The following ADGRL3 variants were observed in gnomAD, a reference collection of about 807,000 sequenced individuals.
ADGRL3 encodes calcium-independent alpha-latrotoxin receptor 3.
ADGRL3 carries 62 observed loss-of-function variants against 153.5 expected under a neutral mutation model. That is an observed-to-expected ratio of 0.40 (90% CI 0.33 to 0.50). The LOEUF is 0.50. ADGRL3 is among the 20% of genes least tolerant of loss of function. ADGRL3 has a pLI of 0.47. For synonymous variants in ADGRL3, 710 were observed against 672.5 expected, an observed-to-expected ratio of 1.06 and a Z score of -0.86; for missense variants, 1,641 against 1,859.4, an observed-to-expected ratio of 0.88 and a Z score of 2.16.
At chr4:61,322,592 G>C (rs181356979) in intron 1 of ADGRL3, among the ~76,000 whole-genome samples, 9 of 152,278 alleles carry the variant, frequency 5.9e-5, no homozygotes, top group African/African-American at 1.9e-4. Context: ...CAAAACAAAG[G>C]GGCTACAGGC....
intron 1 of ADGRL3, among the ~76,000 whole-genome samples, chr4:61,369,117 A>C (rs2096467802): frequency 6.6e-6 from 1 of 152,158 alleles, no homozygotes; most frequent in African/African-American, 2.4e-5. Flanking sequence ...TATCAGCTTA[A>C]GGAGATTTTG....
intron 1 of ADGRL3, among the ~76,000 whole-genome samples, chr4:61,381,966 A>T (rs1404329360): frequency 2.6e-5 from 4 of 151,972 alleles, no homozygotes; most frequent in Admixed American, 1.3e-4. Context: ...CATTGCTTTA[A>T]TATTTTTTAA....
At chr4:61,467,965 T>C (rs2097904993) in intron 2 of ADGRL3, among the ~76,000 whole-genome samples, 2 of 152,196 alleles carry the variant, frequency 1.3e-5, no homozygotes, top group Non-Finnish European at 2.9e-5. Context: ...ATACACATGT[T>C]GCTTTCTTTT....
chr4:61,647,719 C>T (rs1048884565), intron 5 of ADGRL3, among the ~76,000 whole-genome samples: 1 of 151,894 alleles, frequency 6.6e-6, no homozygotes, highest in Non-Finnish European at 1.5e-5. Flanking sequence ...CAAAAATTAA[C>T]AATAGACTTT....
intron 4 of ADGRL3, among the ~76,000 whole-genome samples, chr4:61,522,071 T>C (rs896136580): frequency 6.6e-6 from 1 of 152,138 alleles, no homozygotes; most frequent in African/African-American, 2.4e-5. Flanking sequence ...TTCCTTCTAC[T>C]TCCCAGTAAT....
intron 2 of ADGRL3, among the ~76,000 whole-genome samples, chr4:61,384,512 AT>A (rs1444827326): frequency 6.6e-6 from 1 of 151,496 alleles, no homozygotes; most frequent in African/African-American, 2.4e-5. Context: ...TATATGTAAA[AT>A]TCTTACTTTT....
At chr4:61,232,283 G>T (rs112102813) in intron 1 of ADGRL3, among the ~76,000 whole-genome samples, 2 of 151,458 alleles carry the variant, frequency 1.3e-5, no homozygotes, top group African/African-American at 4.8e-5. Flanking sequence ...TTGAATTCCA[G>T]TTTTACCAGT....
rs1745880688 is a variant in ADGRL3 at position 62,072,165 on chromosome 4, A to T, written c.*1257A>T. ...GTGGGCACCTGCACTACCACTTTTT[A>T]GAGGAAATTCACTCCCTCGTAAGCA... On this transcript the variant is annotated 3_prime_UTR_variant, in exon 27 of 27. Coordinates refer to ENST00000683033, the MANE Select transcript of ADGRL3 (RefSeq NM_001387552.1). 2 of 152,668 alleles carry T rather than the reference A, an allele frequency of 1.3e-5. No homozygotes were observed. The highest frequency in any genetic ancestry group is 4.1e-4 in the South Asian group (2 of 4,836). 9.5% of individuals were successfully genotyped at this position (152,668 alleles called of 1,614,324 possible). A position where few individuals can be genotyped will look rare whatever the true frequency, so the allele number is the denominator to read the frequency against.
At chr4:61,967,946 T>C (rs2099012844) in intron 17 of ADGRL3, among the ~76,000 whole-genome samples, 1 of 152,116 alleles carries the variant, frequency 6.6e-6, no homozygotes. Flanking sequence ...AAGGATACTT[T>C]TGTCAGAAGG....
rs200391556 is a variant in ADGRL3 at position 61,703,497 on chromosome 4, A to G, written c.583+26562A>G. ...CATAAACATCCTGTGTTAGACATCT[A>G]TCTGGTTAAAAATATGTAAGAATGA... On this transcript the variant is annotated intron_variant, in intron 6 of 26. Transcript: ENST00000683033. Among the ~76,000 whole-genome samples the G allele has an allele frequency of 4.6e-5, 7 of 152,284 alleles. No homozygotes were observed. The East Asian group carries it at 1.2e-3, about 25-fold the overall frequency.
intron 3 of ADGRL3, among the ~76,000 whole-genome samples, chr4:61,503,495 T>C (rs2098406040): frequency 6.6e-6 from 1 of 152,048 alleles, no homozygotes; most frequent in African/African-American, 2.4e-5. Flanking sequence ...TCTTATTCTT[T>C]GGATTACTAT....
At chr4:61,699,636 T>C (rs1259210718) in intron 6 of ADGRL3, among the ~76,000 whole-genome samples, 1 of 152,106 alleles carries the variant, frequency 6.6e-6, no homozygotes, top group Non-Finnish European at 1.5e-5. Context: ...AATAGACCCA[T>C]TAGGATTTTT....
At chr4:61,797,269 T>G (rs1028434074) in intron 8 of ADGRL3, among the ~76,000 whole-genome samples, 2 of 152,174 alleles carry the variant, frequency 1.3e-5, no homozygotes, top group African/African-American at 4.8e-5. Context: ...TCACATTTTA[T>G]TATGTATGAA....
At chr4:61,700,013 C>A (rs2095721327) in intron 6 of ADGRL3, among the ~76,000 whole-genome samples, 1 of 151,344 alleles carries the variant, frequency 6.6e-6, no homozygotes, top group African/African-American at 2.4e-5. Flanking sequence ...ATATGTATGT[C>A]ATGTGGGCTC....
chr4:61,274,236 A>G (rs2093350966), intron 1 of ADGRL3, among the ~76,000 whole-genome samples: 1 of 152,328 alleles, frequency 6.6e-6, no homozygotes, highest in Admixed American at 6.5e-5. Context: ...TTCGTCATGA[A>G]GAATCTCTAA....
At chr4:61,424,312 C>G (rs1459962988) in intron 2 of ADGRL3, among the ~76,000 whole-genome samples, 1 of 152,158 alleles carries the variant, frequency 6.6e-6, no homozygotes, top group Admixed American at 6.5e-5. Flanking sequence ...TTGGCCTACT[C>G]TTGACTGCCG....
At position 62,077,138 on chromosome 4, in the gene ADGRL3, T is replaced by C. The variant is rs1277245606; in HGVS notation, c.*6230T>C. The C allele has an allele frequency of 6.6e-6, 1 of 151,946 alleles. No individual in the cohort carries two copies. Among genetic ancestry groups the C allele is most frequent in the Non-Finnish European group, 1.5e-5 (1 of 67,886 alleles). 9.4% of individuals were successfully genotyped at this position (151,946 alleles called of 1,614,324 possible). A position where few individuals can be genotyped will look rare whatever the true frequency, so the allele number is the denominator to read the frequency against. The stretch of plus-strand genomic sequence containing the variant: ...CATAATCCAAATGCATCTAAAAGTA[T>C]TCCAAATGCGCCTTTCATTCTAGAA... On this transcript the variant is annotated 3_prime_UTR_variant, in exon 27 of 27. Coordinates refer to ENST00000683033, the MANE Select transcript of ADGRL3 (RefSeq NM_001387552.1).
At chr4:61,531,162 C>G (rs2098610558) in intron 4 of ADGRL3, among the ~76,000 whole-genome samples, 1 of 152,066 alleles carries the variant, frequency 6.6e-6, no homozygotes, top group African/African-American at 2.4e-5. Flanking sequence ...GCCGATTGAG[C>G]AAATAAAGGC....
At chr4:61,629,668 G>GATCAC (rs980222931) in intron 5 of ADGRL3, among the ~76,000 whole-genome samples, 2 of 125,326 alleles carry the variant, frequency 1.6e-5, no homozygotes, top group Non-Finnish European at 3.2e-5. Context: ...AGTGAGCTAA[G>GATCAC]ATCACACCAC....
Sources: gnomAD v4.1 joint callset for allele counts (sites outside exome capture counted in the v4.1 genomes callset) on GRCh38, gnomAD v4.1.1 for gene constraint, MANE v1.5 for transcripts, NCBI Gene and HGNC (gene_info 2026-07-23, HGNC 2026-07-21) for gene names.